The following CACNA2D1 variants were observed in gnomAD, a reference collection of about 807,000 sequenced individuals.
CACNA2D1 encodes calcium voltage-gated channel auxiliary subunit alpha2delta 1.
In CACNA2D1, 53 loss-of-function variants were observed where a neutral mutation model predicts 171.5. The ratio of observed to expected loss-of-function variants is 0.31; its 90% CI spans 0.25 to 0.39. The LOEUF (loss-of-function observed/expected upper bound fraction) is 0.39, where lower values mean the gene tolerates loss of function less well. Ranked by LOEUF, CACNA2D1 falls within the 10% of genes least tolerant of loss-of-function variation. The probability of loss-of-function intolerance (pLI) is 1.00; values close to 1 mark genes in which losing one functional copy is unlikely to be tolerated. For missense variants in CACNA2D1, 903 were observed against 1,299.8 expected (o/e 0.69, Z 4.69); for synonymous variants, 442 against 443.1 (o/e 1.00, Z 0.03).
intron 1 of CACNA2D1, among the ~76,000 whole-genome samples, chr7:82,396,073 T>A (rs957030978): frequency 6.6e-6 from 1 of 152,230 alleles, no homozygotes; most frequent in Non-Finnish European, 1.5e-5. Context: ...AATGTTCCTA[T>A]GCATAACTCA....
At chr7:82,442,886 A>G (rs1830611837) in intron 1 of CACNA2D1, among the ~76,000 whole-genome samples, 1 of 152,244 alleles carries the variant, frequency 6.6e-6, no homozygotes, top group Non-Finnish European at 1.5e-5. Context: ...TTTGGGCACT[A>G]CAGCAATTAA....
intron 3 of CACNA2D1, among the ~76,000 whole-genome samples, chr7:82,192,715 G>C (rs1798463744): frequency 6.7e-6 from 1 of 148,780 alleles, no homozygotes; most frequent in African/African-American, 2.5e-5. Context: ...ATTCTATGTA[G>C]ATTTTCAAAT....
At chr7:82,125,562 A>C (rs1790237675) in intron 5 of CACNA2D1, among the ~76,000 whole-genome samples, 1 of 152,134 alleles carries the variant, frequency 6.6e-6, no homozygotes, top group Non-Finnish European at 1.5e-5. Context: ...GTTTATTTTA[A>C]CATCTACTTT....
At chr7:82,140,964 AAAAAAG>A (rs765142894) in intron 4 of CACNA2D1, among the ~76,000 whole-genome samples, 24,490 of 144,070 alleles carry the variant, frequency 0.17, 2,736 homozygotes, top group East Asian at 0.33. Context: ...TAAAAAAAAA[AAAAAAG>A]AAAAAAAAAT....
chr7:82,033,013 G>T, intron 11 of CACNA2D1, 112 bp from the exon 12 acceptor site: 1 of 687,018 alleles, frequency 1.5e-6, no homozygotes, highest in Non-Finnish European at 2.6e-6. Context: ...TGAAATATCT[G>T]CTCACAAAAT....
chr7:82,364,698 G>C lies in CACNA2D1; in HGVS notation c.96-15049C>G, dbSNP rs146934388. ...TCAAAAGCACATGGAAATCACCTTG[G>C]ATAAATTCAAGCATAGTGTATATAC... On this transcript the variant is annotated intron_variant, in intron 1 of 38. Coordinates refer to ENST00000356860, the MANE Select transcript of CACNA2D1 (RefSeq NM_000722.4). Among the ~76,000 whole-genome samples, 922 of 152,228 alleles carry C rather than the reference G, an allele frequency of 6.1e-3. 11 individuals are homozygous for C. Among genetic ancestry groups the C allele is most frequent in the Non-Finnish European group, 7.3e-3 (499 of 68,024 alleles).
chr7:81,950,188 C>A lies in CACNA2D1; in HGVS notation c.*204G>T. On this transcript the variant is annotated 3_prime_UTR_variant, in exon 39 of 39. Coordinates refer to ENST00000356860, the MANE Select transcript of CACNA2D1 (RefSeq NM_000722.4). ...TTGATGTTACACATAGATGATGCAG[C>A]ATTCACACACGTTTAAGGATCTGAC... The A allele has an allele frequency of 1.3e-6, 1 of 798,876 alleles. No individual in the cohort carries two copies. The highest frequency in any genetic ancestry group is 1.9e-6 in the Non-Finnish European group (1 of 512,882). The allele number at this position is 798,876 out of a possible 1,614,324, so 49.5% of individuals were successfully genotyped here. A position where few individuals can be genotyped will look rare whatever the true frequency, so the allele number is the denominator to read the frequency against.
intron 15 of CACNA2D1, 110 bp downstream of exon 15, chr7:82,012,044 T>C: frequency 2.7e-6 from 2 of 749,142 alleles, no homozygotes; most frequent in Non-Finnish European, 2.4e-6. Context: ...AGAAGAAATT[T>C]TGGGGAGGGT....
chr7:82,166,105 T>C (rs1795432255), intron 4 of CACNA2D1, among the ~76,000 whole-genome samples: 1 of 152,054 alleles, frequency 6.6e-6, no homozygotes, highest in African/African-American at 2.4e-5. Flanking sequence ...TGAATAAGGA[T>C]AGATGAAATG....
At chr7:81,965,049 A>G (rs1287665446) in intron 32 of CACNA2D1, among the ~76,000 whole-genome samples, 2 of 151,888 alleles carry the variant, frequency 1.3e-5, no homozygotes, top group African/African-American at 2.4e-5. Context: ...AGGGGCAATC[A>G]TGAGTGAATC....
chr7:81,985,196 C>CTTTTTTTTTTTTTTTTT (rs774555240), intron 21 of CACNA2D1, among the ~76,000 whole-genome samples: 2 of 104,192 alleles, frequency 1.9e-5, no homozygotes, highest in African/African-American at 4.1e-5. Context: ...ATTATCATTA[C>CTTTTTTTTTTTTTTTTT]TTTTTTTTTT....
At chr7:82,416,497 G>C (rs1828182488) in intron 1 of CACNA2D1, among the ~76,000 whole-genome samples, 1 of 152,098 alleles carries the variant, frequency 6.6e-6, no homozygotes, top group Admixed American at 6.6e-5. Context: ...GGTGTCGGCA[G>C]GGTCATACTC....
intron 3 of CACNA2D1, among the ~76,000 whole-genome samples, chr7:82,222,600 A>ACTTC (rs1801888181): frequency 6.6e-6 from 1 of 152,144 alleles, no homozygotes; most frequent in African/African-American, 2.4e-5. Flanking sequence ...CTCTTCGAAG[A>ACTTC]CTTCCCTGCC....
intron 27 of CACNA2D1, 53 bp downstream of exon 27, chr7:81,970,622 T>C (rs1795168032): frequency 1.1e-6 from 1 of 947,336 alleles, no homozygotes; most frequent in African/African-American, 1.6e-5. Context: ...GTACAAATCC[T>C]TGGCGCAGTC....
At chr7:81,981,402 G>C (rs920602280) in intron 24 of CACNA2D1, among the ~76,000 whole-genome samples, 3 of 152,148 alleles carry the variant, frequency 2.0e-5, no homozygotes, top group African/African-American at 7.2e-5. Flanking sequence ...AGCTTCTCAA[G>C]GATACGGGCA....
chr7:82,297,333 A>G (rs1812426470), intron 3 of CACNA2D1, among the ~76,000 whole-genome samples: 1 of 152,142 alleles, frequency 6.6e-6, no homozygotes. Flanking sequence ...GATCTGTAAC[A>G]TGAATGTCTC....
At chr7:81,962,294 C>T in intron 35 of CACNA2D1, 146 bp downstream of exon 35, 2 of 732,840 alleles carry the variant, frequency 2.7e-6, no homozygotes, top group Non-Finnish European at 4.7e-6. Context: ...AAAGGTTGGA[C>T]AAAAAGTTTC....
chr7:82,262,874 C>T (rs1807307105), intron 3 of CACNA2D1, among the ~76,000 whole-genome samples: 1 of 152,130 alleles, frequency 6.6e-6, no homozygotes, highest in Non-Finnish European at 1.5e-5. Context: ...AGGGGTCCTG[C>T]TCCATACCCA....
At chr7:82,408,169 C>T (rs1364360994) in intron 1 of CACNA2D1, among the ~76,000 whole-genome samples, 1 of 151,852 alleles carries the variant, frequency 6.6e-6, no homozygotes, top group Non-Finnish European at 1.5e-5. Flanking sequence ...TACAGGCACC[C>T]ACCACCATGC....
Sources: allele counts gnomAD v4.1 joint callset (sites outside exome capture counted in the v4.1 genomes callset), GRCh38; gene constraint gnomAD v4.1.1; transcripts MANE v1.5; gene names NCBI Gene and HGNC (gene_info 2026-07-23, HGNC 2026-07-21).